The following NRDC variants were observed in gnomAD, a reference collection of about 807,000 sequenced individuals.
The protein encoded by NRDC is nardilysin convertase, also known as nardilysin.
A neutral mutation model predicts 147.1 loss-of-function variants in NRDC; 54 were observed. The ratio of observed to expected loss-of-function variants is 0.37; its 90% CI spans 0.29 to 0.46. The LOEUF (loss-of-function observed/expected upper bound fraction) is 0.46, where lower values mean the gene tolerates loss of function less well. Among genes scored for constraint, NRDC ranks in the 20% least tolerant of loss-of-function variants. NRDC has a pLI of 1.00. For synonymous variants in NRDC, 440 were observed against 482.1 expected (o/e 0.91, Z 1.14); for missense variants, 1,082 against 1,370.6 (o/e 0.79, Z 3.33).
chr1:51,861,605 C>A (rs1682547774), intron 1 of NRDC, among the ~76,000 whole-genome samples: 1 of 152,024 alleles, frequency 6.6e-6, no homozygotes, highest in South Asian at 2.1e-4. Context: ...CTTGGCTTCC[C>A]AAAGTGCTAG....
intron 1 of NRDC, chr1:51,878,031 T>C (rs545236319): frequency 2.9e-6 from 4 of 1,362,330 alleles, no homozygotes; most frequent in African/African-American, 2.9e-5. Context: ...CTTTAGCGAC[T>C]GTATTCAAAT....
intron 6 of NRDC, among the ~76,000 whole-genome samples, chr1:51,824,816 ATAACT>A (rs1469992482): frequency 6.6e-5 from 10 of 152,244 alleles, no homozygotes; most frequent in African/African-American, 2.4e-4. Context: ...AACAAATGAG[ATAACT>A]TGACTGAAAT....
chr1:51,850,036 G>C (rs558982306), intron 1 of NRDC, among the ~76,000 whole-genome samples: 2 of 152,128 alleles, frequency 1.3e-5, no homozygotes, highest in Non-Finnish European at 2.9e-5. Flanking sequence ...AAATTAGCCA[G>C]GTTGGTGGTG....
intron 23 of NRDC, 47 bp downstream of exon 23, chr1:51,794,776 T>C (rs1678817564): frequency 1.2e-6 from 2 of 1,609,514 alleles, no homozygotes; most frequent in South Asian, 2.2e-5. Context: ...CCATGCCCTC[T>C]CGCTGGTAAG....
chr1:51,830,706 T>C (rs1680670025), intron 4 of NRDC, among the ~76,000 whole-genome samples: 1 of 152,194 alleles, frequency 6.6e-6, no homozygotes, highest in Non-Finnish European at 1.5e-5. Flanking sequence ...GCTTTGATAT[T>C]TGTCACTCTT....
intron 1 of NRDC, among the ~76,000 whole-genome samples, chr1:51,848,176 T>C (rs947305901): frequency 6.6e-6 from 1 of 152,102 alleles, no homozygotes; most frequent in African/African-American, 2.4e-5. Flanking sequence ...AAAATGTATA[T>C]AAATAAAAAA....
chr1:51,818,754 A>C (rs1680082746), intron 9 of NRDC, among the ~76,000 whole-genome samples: 1 of 152,132 alleles, frequency 6.6e-6, no homozygotes, highest in African/African-American at 2.4e-5. Flanking sequence ...GTGAAGAAGG[A>C]GGGAATACCT....
At chr1:51,871,932 C>T (rs1683104481) in intron 1 of NRDC, among the ~76,000 whole-genome samples, 1 of 152,090 alleles carries the variant, frequency 6.6e-6, no homozygotes, top group African/African-American at 2.4e-5. Context: ...GTGCAGTGGG[C>T]GCGATCTTGA....
chr1:51,835,450 GGTT>G (rs1446228553), intron 3 of NRDC, among the ~76,000 whole-genome samples: 1 of 149,426 alleles, frequency 6.7e-6, no homozygotes, highest in African/African-American at 2.5e-5. Context: ...TGAATTTCTA[GGTT>G]TTTTTTGTTT....
At position 51,836,177 on chromosome 1, in the gene NRDC, G is replaced by T; in HGVS notation, c.666C>A (p.Phe222Leu). 1 of 1,614,108 alleles carries T rather than the reference G, an allele frequency of 6.2e-7. No homozygotes were observed. The highest frequency in any genetic ancestry group is 8.5e-7 in the Non-Finnish European group (1 of 1,180,014). ...GCCCCGGCAGGTCATCTGGATCAGC[G>T]AAACTCCCAACTCCAACACAAAGAG... ...AAALCVGVGS[F>L]ADPDDLPGLA... Residue 222 changes from phenylalanine to leucine, a missense_variant, in exon 3 of 31, where the codon TTC (phenylalanine) becomes TTA (leucine). Physicochemically the swap from Phe to Leu is conservative, Grantham distance 22. Transcript: ENST00000352171.
chr1:51,844,996 G>A (rs1054398956), intron 1 of NRDC, among the ~76,000 whole-genome samples: 3 of 152,034 alleles, frequency 2.0e-5, no homozygotes, highest in Admixed American at 2.0e-4. Flanking sequence ...ATTAATACAA[G>A]GCCATTTCCC....
chr1:51,821,676 T>C (rs1370246353), intron 7 of NRDC, 121 bp from the exon 8 acceptor site: 2 of 683,960 alleles, frequency 2.9e-6, no homozygotes, highest in Non-Finnish European at 5.2e-6. Flanking sequence ...AATTTGGCCA[T>C]TACTTGCCAC....
At position 51,789,438 on chromosome 1, in the gene NRDC, A is replaced by AAG; in HGVS notation, c.3259-7_3259-6dup. 6.2e-7 allele frequency: 1 copy of AAG among 1,613,914 alleles called. No homozygotes were observed. Among genetic ancestry groups the AAG allele is most frequent in the Non-Finnish European group, 8.5e-7 (1 of 1,179,824 alleles). On this transcript the variant is annotated splice_polypyrimidine_tract_variant and splice_region_variant and intron_variant, in intron 30 of 30. Transcript: ENST00000352171. ...ATACTTCCCATATCCAACAACCTGA[A>AAG]AGAGGACAAAGACAAAAGTGAAAAA...
chr1:51,827,569 C>T lies in NRDC; in HGVS notation c.940+227G>A, dbSNP rs547921058. Among the ~76,000 whole-genome samples the T allele has an allele frequency of 8.4e-4, 128 of 152,186 alleles. No individual in the cohort carries two copies. The Middle Eastern group carries it at 0.024, about 28-fold the overall frequency. On this transcript the variant is annotated intron_variant, in intron 5 of 30. Coordinates refer to ENST00000352171, the MANE Select transcript of NRDC (RefSeq NM_001101662.2). ...AGATTAGCCCCTATGGTAAAACCTT[C>T]GAAAAACAAAGGATGAAAAAACTAA...
intron 1 of NRDC, among the ~76,000 whole-genome samples, chr1:51,865,505 G>A (rs1435636863): frequency 3.9e-5 from 6 of 151,950 alleles, no homozygotes; most frequent in African/African-American, 7.2e-5. Flanking sequence ...GTTTCACCAT[G>A]TTGGCCAGGC....
intron 5 of NRDC, among the ~76,000 whole-genome samples, chr1:51,826,367 T>C (rs566234657): frequency 6.6e-6 from 1 of 152,302 alleles, no homozygotes; most frequent in African/African-American, 2.4e-5. Context: ...CGAAAAGTGA[T>C]TTAAGACCCC....
chr1:51,792,435 AAGGTTGTC>A lies in NRDC; in HGVS notation c.2776-19_2776-12del, dbSNP rs1313807831. ...ACTCCTGGTACCTGACTGAAAAGAG[AAGGTTGTC>A]AGGCCAACTGAATATCCAGTGGTTT... is the stretch of plus-strand genomic sequence containing the variant. On this transcript the variant is annotated splice_polypyrimidine_tract_variant and intron_variant, in intron 24 of 30. Coordinates refer to ENST00000352171, the MANE Select transcript of NRDC (RefSeq NM_001101662.2). 6.2e-7 allele frequency: 1 copy of A among 1,613,732 alleles called. No individual in the cohort carries two copies. The highest frequency in any genetic ancestry group is 8.5e-7 in the Non-Finnish European group (1 of 1,179,738).
chr1:51,791,309 T>G (rs1678642201), intron 27 of NRDC, among the ~76,000 whole-genome samples: 1 of 152,178 alleles, frequency 6.6e-6, no homozygotes, highest in Non-Finnish European at 1.5e-5. Context: ...ATCCTTTCCC[T>G]TCTTGTCCTC....
intron 18 of NRDC, 32 bp downstream of exon 18, chr1:51,806,762 A>G: frequency 6.3e-7 from 1 of 1,599,006 alleles, no homozygotes; most frequent in Non-Finnish European, 8.6e-7. Flanking sequence ...ACTGGAATTC[A>G]GCAGGGAAGT....
Sources: gnomAD v4.1 joint callset for allele counts (sites outside exome capture counted in the v4.1 genomes callset) on GRCh38, gnomAD v4.1.1 for gene constraint, MANE v1.5 for transcripts, NCBI Gene and HGNC (gene_info 2026-07-23, HGNC 2026-07-21) for gene names.